COTL1: variants seen among roughly 807,000 people sequenced by gnomAD.
COTL1 encodes coactosin-like protein.
Under a neutral mutation model 16.5 loss-of-function variants are expected in COTL1, and 15 were observed. The ratio of observed to expected loss-of-function variants is 0.91; its 90% CI spans 0.61 to 1.40. The LOEUF (loss-of-function observed/expected upper bound fraction) is 1.40, where lower values mean the gene tolerates loss of function less well. Ranked by LOEUF, COTL1 falls within the 40% of genes most tolerant of loss-of-function variation. The pLI is 0.00. For missense variants in COTL1, 220 were observed against 201.5 expected, an observed-to-expected ratio of 1.09 and a Z score of -0.56; for synonymous variants, 112 against 85.3, an observed-to-expected ratio of 1.31 and a Z score of -1.73.
chr16:84,607,252 A>G (rs1031448952), intron 2 of COTL1, among the ~76,000 whole-genome samples: 21 of 152,164 alleles, frequency 1.4e-4, no homozygotes, highest in Admixed American at 1.4e-3. Flanking sequence ...ACGGGTGTGT[A>G]GGAGTCCTCC....
At chr16:84,585,923 G>A (rs1198668541) in intron 3 of COTL1, among the ~76,000 whole-genome samples, 1 of 152,206 alleles carries the variant, frequency 6.6e-6, no homozygotes, top group Non-Finnish European at 1.5e-5. Flanking sequence ...ATGCACATCT[G>A]CGCTTCTTCA....
chr16:84,617,871 T>C lies in COTL1; in HGVS notation c.44A>G (p.Asn15Ser), dbSNP rs776232968. 1.9e-6 allele frequency: 3 copies of C among 1,574,944 alleles called. No individual in the cohort carries two copies. Among genetic ancestry groups the C allele is most frequent in the South Asian group, 2.3e-5 (2 of 86,310 alleles). The stretch of plus-strand genomic sequence containing the variant: ...GGCCGAGCCGTCGTCGCGCACCAGG[T>C]TGTACGCCGCCCGGCAAGCCTCTTT... ...IDKEACRAAY[N>S]LVRDDGSAVI... Residue 15 changes from asparagine (N) to serine (S), a missense_variant, in exon 1 of 4, where the codon AAC becomes AGC. Physicochemically the swap from Asn to Ser is conservative, Grantham distance 46. Transcript: ENST00000262428.
At chr16:84,584,412 C>T (rs1423803948) in intron 3 of COTL1, among the ~76,000 whole-genome samples, 1 of 152,262 alleles carries the variant, frequency 6.6e-6, no homozygotes, top group Admixed American at 6.5e-5. Context: ...CTAGCCCCAG[C>T]TCTATCACTC....
chr16:84,577,672 G>A (rs1404063528), intron 3 of COTL1, among the ~76,000 whole-genome samples: 1 of 152,220 alleles, frequency 6.6e-6, no homozygotes. Context: ...TCGTAGCTCA[G>A]GAGTGACGCG....
intron 2 of COTL1, chr16:84,595,725 T>C (rs950179346): frequency 6.6e-6 from 1 of 152,194 alleles, no homozygotes; most frequent in Non-Finnish European, 1.5e-5. Context: ...GTGTGATATG[T>C]GTGTGCGTAT....
rs141198035 is a variant in COTL1 at position 84,609,111 on chromosome 16, A to G, written c.160+8390T>C. On this transcript the variant is annotated intron_variant, in intron 2 of 3. Transcript: ENST00000262428. ...ATTTCTCTCCTTCCCTTCTCGCCCAAATTTCTGAAACCCGGGTGTGTATGT... is the reference window on the plus strand; with the variant it reads ...ATTTCTCTCCTTCCCTTCTCGCCCAGATTTCTGAAACCCGGGTGTGTATGT... 3.8e-3 allele frequency among the ~76,000 whole-genome samples: 583 copies of G among 152,244 alleles called. 8 individuals carry two copies. The highest frequency in any genetic ancestry group is 0.013 in the African/African-American group (546 of 41,538).
rs1220940500 is a variant in COTL1, at chr16:84,590,293, G to A, written c.161-31C>T. The A allele has an allele frequency of 5.0e-6, 8 of 1,607,872 alleles. No individual in the cohort carries two copies. In the South Asian group the frequency reaches 6.6e-5, roughly 13 times the overall value. ...GCCAAAAGCGAAAAGAGAACATGGT[G>A]CTGCGTTAAAACACCCCCATGTCAT... On this transcript the variant is annotated intron_variant, in intron 2 of 3. Coordinates refer to ENST00000262428, the MANE Select transcript of COTL1 (RefSeq NM_021149.5). This position sits in a 1 kb window ranked among gnomAD's most constrained non-coding sequence, Gnocchi z 5.5.
intron 2 of COTL1, among the ~76,000 whole-genome samples, chr16:84,598,749 G>A (rs1031539778): frequency 1.4e-5 from 2 of 144,140 alleles, no homozygotes; most frequent in East Asian, 4.5e-4. Context: ...GGGGTGGGAA[G>A]GACCACACAA....
chr16:84,596,142 A>G (rs545185452), intron 2 of COTL1: 3 of 152,308 alleles, frequency 2.0e-5, no homozygotes, highest in Non-Finnish European at 4.4e-5. Flanking sequence ...GAGACTGGGC[A>G]ACCCCAGTGG....
Position 84,600,919 on chromosome 16 carries a change from A to G in COTL1, c.161-10657T>C, listed in dbSNP as rs542974064. Among the ~76,000 whole-genome samples the G allele has an allele frequency of 3.3e-5, 5 of 152,274 alleles. No homozygotes were observed. The East Asian group carries it at 7.7e-4, about 24-fold the overall frequency. ...ACCGAGAGCTAAAGGTTTTCCCCCTATGACAAAGCACTAGCACTTTCTTTC... is the reference window on the plus strand; with the variant it reads ...ACCGAGAGCTAAAGGTTTTCCCCCTGTGACAAAGCACTAGCACTTTCTTTC... On this transcript the variant is annotated intron_variant, in intron 2 of 3. Transcript: ENST00000262428.
At chr16:84,585,831 G>A (rs532815605) in intron 3 of COTL1, among the ~76,000 whole-genome samples, 40 of 152,348 alleles carry the variant, frequency 2.6e-4, no homozygotes, top group African/African-American at 7.9e-4. Flanking sequence ...CGTAAGTGGA[G>A]AGGTGGAAAA....
chr16:84,591,634 T>TAAAAAAAAAAAAAAAAAA (rs372775821), intron 2 of COTL1, among the ~76,000 whole-genome samples: 2 of 75,198 alleles, frequency 2.7e-5, no homozygotes, highest in African/African-American at 1.0e-4. Context: ...ATCACCTCTC[T>TAAAAAAAAAAAAAAAAAA]AAAAAAAAAA....
chr16:84,571,959 A>T (rs1288256747), intron 3 of COTL1, among the ~76,000 whole-genome samples: 6 of 152,226 alleles, frequency 3.9e-5, no homozygotes, highest in Admixed American at 3.9e-4. Flanking sequence ...AGGCTTACAA[A>T]GGTGAGCCAG....
intron 3 of COTL1, among the ~76,000 whole-genome samples, chr16:84,588,742 C>A (rs1597174877): frequency 6.6e-6 from 1 of 151,714 alleles, no homozygotes; most frequent in South Asian, 2.1e-4. Context: ...GTCTTGAACT[C>A]TTGGACACAA....
At position 84,600,667 on chromosome 16, in the gene COTL1, A is replaced by G. The variant is rs182104047; in HGVS notation, c.161-10405T>C. On this transcript the variant is annotated intron_variant, in intron 2 of 3. Coordinates refer to ENST00000262428, the MANE Select transcript of COTL1 (RefSeq NM_021149.5). Reference sequence around the variant, plus strand: ...TGTGTGGGTATCTGCGTGTAGGCACATTGTTTCTGCATTGGAGCTCACACT... The same window carrying G: ...TGTGTGGGTATCTGCGTGTAGGCACGTTGTTTCTGCATTGGAGCTCACACT... Among the ~76,000 whole-genome samples the G allele has an allele frequency of 4.6e-3, 694 of 152,260 alleles. 2 individuals carry two copies. Among genetic ancestry groups the G allele is most frequent in the Middle Eastern group, 0.014 (4 of 294 alleles).
chr16:84,605,814 G>A (rs965993502), intron 2 of COTL1, among the ~76,000 whole-genome samples: 2 of 152,208 alleles, frequency 1.3e-5, no homozygotes, highest in Admixed American at 1.3e-4. Context: ...ATAAGATGAT[G>A]CATTTATGTT....
chr16:84,592,371 C>A (rs531655610), intron 2 of COTL1, among the ~76,000 whole-genome samples: 4 of 152,260 alleles, frequency 2.6e-5, no homozygotes, highest in African/African-American at 9.6e-5. Context: ...CTTGTATTAG[C>A]CACTTGCATA....
chr16:84,583,139 A>G (rs949706763), intron 3 of COTL1, among the ~76,000 whole-genome samples: 1 of 152,182 alleles, frequency 6.6e-6, no homozygotes, highest in Non-Finnish European at 1.5e-5. Context: ...CGGGGCTCTG[A>G]GCCCACAGCC....
rs774126238 is a variant in COTL1 at position 84,617,582 on chromosome 16, C to G, written c.79G>C (p.Val27Leu). 3 of 1,554,642 alleles carry G rather than the reference C, an allele frequency of 1.9e-6. No individual in the cohort carries two copies. In the Admixed American group the frequency reaches 5.8e-5, roughly 30 times the overall value. ...VRDDGSAVIWVTFKYDGSTIV... is the reference protein window; with the variant it reads ...VRDDGSAVIWLTFKYDGSTIV... ...GTGGAGCCGTCATATTTAAAAGTCA[C>G]CCTTTGGGTTGGGAGAAGAAAAAAA... Residue 27 changes from valine (V) to leucine (L), a missense_variant and splice_region_variant, in exon 2 of 4, where the codon GTG becomes CTG. Val to Leu is a conservative substitution (Grantham distance 32). Transcript: ENST00000262428.
Sources: allele counts gnomAD v4.1 joint callset (sites outside exome capture counted in the v4.1 genomes callset), GRCh38; gene constraint gnomAD v4.1.1; non-coding constraint Gnocchi (gnomAD v3.1); transcripts MANE v1.5; gene names NCBI Gene and HGNC (gene_info 2026-07-23, HGNC 2026-07-21).